Variants in INPP5D observed in about 807,000 individuals in gnomAD.
INPP5D encodes the protein phosphatidylinositol 3,4,5-trisphosphate 5-phosphatase 1.
A neutral mutation model predicts 122.9 loss-of-function variants in INPP5D; 33 were observed. The observed-to-expected ratio is 0.27, with a 90% CI of 0.20 to 0.36. The LOEUF (loss-of-function observed/expected upper bound fraction) is 0.36. INPP5D is among the 10% of genes least tolerant of loss of function. The pLI is 1.00. For synonymous variants in INPP5D, 584 were observed against 576.2 expected, an observed-to-expected ratio of 1.01 and a Z score of -0.19; for missense variants, 1,053 against 1,412.7, an observed-to-expected ratio of 0.75 and a Z score of 4.08.
At position 233,090,956 on chromosome 2, in the gene INPP5D, C is replaced by T. The variant is rs1691974501; in HGVS notation, c.198+11558C>T. On this transcript the variant is annotated intron_variant, in intron 2 of 26. Transcript: ENST00000445964. ...CTGGGTGACAAGAGCAAAATTCCGT[C>T]TCAAAGAAAAAAAAAAAAAAAAGAA... is the stretch of plus-strand genomic sequence containing the variant. 3.4e-5 allele frequency among the ~76,000 whole-genome samples: 5 copies of T among 147,040 alleles called. No homozygotes were observed. The South Asian group carries it at 1.1e-3, about 31-fold the overall frequency.
intron 3 of INPP5D, among the ~76,000 whole-genome samples, chr2:233,124,278 C>T (rs1693087583): frequency 6.6e-6 from 1 of 152,216 alleles, no homozygotes; most frequent in African/African-American, 2.4e-5. Flanking sequence ...ACGCTGAGAC[C>T]CTTGCCTGGC....
intron 9 of INPP5D, among the ~76,000 whole-genome samples, chr2:233,156,744 C>T (rs36130256): frequency 0.17 from 25,521 of 152,106 alleles, 3,874 homozygotes; most frequent in African/African-American, 0.4. Flanking sequence ...ACATAGACAC[C>T]CTCTACCTGG....
chr2:233,116,745 T>C (rs144771411), intron 2 of INPP5D, among the ~76,000 whole-genome samples: 7,555 of 151,992 alleles, frequency 0.05, 283 homozygotes, highest in African/African-American at 0.11. Context: ...TACAGGCGCC[T>C]GCCACTGCAC....
intron 9 of INPP5D, among the ~76,000 whole-genome samples, chr2:233,148,051 TG>T (rs1369571006): frequency 6.6e-6 from 1 of 152,236 alleles, no homozygotes; most frequent in Non-Finnish European, 1.5e-5. Flanking sequence ...GAGCCCAGCA[TG>T]TAGTGGCCAC....
At chr2:233,108,765 G>A (rs538676960) in intron 2 of INPP5D, among the ~76,000 whole-genome samples, 19 of 152,314 alleles carry the variant, frequency 1.2e-4, no homozygotes, top group Non-Finnish European at 2.4e-4. Context: ...ACGGGGCACC[G>A]TTCCTTCCTC....
At chr2:233,194,029 T>A in intron 23 of INPP5D, 68 bp downstream of exon 23, 21 of 1,481,852 alleles carry the variant, frequency 1.4e-5, no homozygotes, top group Non-Finnish European at 1.9e-5. Flanking sequence ...GTGCTTTCTC[T>A]CAGCAAAGCT....
At position 233,079,353 on chromosome 2, in the gene INPP5D, C is replaced by T. The variant is rs772202099; in HGVS notation, c.153C>T (p.Tyr51=). ...ALCVLYRNCV[Y]TYRILPNEDD... is the part of the protein sequence containing the mutation. ...ATTTCAGGTATCGGAATTGCGTTTA[C>T]ACTTACAGAATTCTGCCCAATGAAG... Residue 51 remains tyrosine (Y), a synonymous_variant, in exon 2 of 27, where the codon TAC becomes TAT. Coordinates refer to ENST00000445964, the MANE Select transcript of INPP5D (RefSeq NM_001017915.3). The T allele has an allele frequency of 5.6e-6, 9 of 1,605,312 alleles. No individual in the cohort carries two copies. Among genetic ancestry groups the T allele is most frequent in the Non-Finnish European group, 6.8e-6 (8 of 1,171,972 alleles).
In INPP5D at chr2:233,189,900, C is replaced by T. The variant is rs1281034765; in HGVS notation, c.2409C>T (p.Leu803=). ...AGTACCTGCTAGACCAGCACATCCT[C>T]ATCAGCATCAAGTCCTCTGACAGCG... ...DPEYLLDQHI[L]ISIKSSDSDE... is the part of the protein sequence containing the mutation. The change falls in exon 22 of 27, where the codon CTC becomes CTT. Residue 803 remains leucine, a synonymous_variant. Coordinates refer to ENST00000445964, the MANE Select transcript of INPP5D (RefSeq NM_001017915.3). The surrounding 1 kb of genome is among the most constrained non-coding windows in gnomAD (Gnocchi z 5.6). 1.7e-5 allele frequency: 27 copies of T among 1,613,480 alleles called. No homozygotes were observed. The highest frequency in any genetic ancestry group is 2.1e-5 in the Non-Finnish European group (25 of 1,179,660).
intron 2 of INPP5D, among the ~76,000 whole-genome samples, chr2:233,102,779 A>G (rs1389108872): frequency 1.3e-5 from 2 of 150,176 alleles, no homozygotes; most frequent in Middle Eastern, 3.2e-3. Flanking sequence ...GAACCCGGGA[A>G]GCGGAGCTTG....
chr2:233,098,560 T>G (rs1692214310), intron 2 of INPP5D, among the ~76,000 whole-genome samples: 1 of 152,194 alleles, frequency 6.6e-6, no homozygotes, highest in Non-Finnish European at 1.5e-5. Flanking sequence ...TGGATCCCGG[T>G]TCTCCCCTCA....
At chr2:233,155,776 A>G (rs1694036809) in intron 9 of INPP5D, among the ~76,000 whole-genome samples, 1 of 152,202 alleles carries the variant, frequency 6.6e-6, no homozygotes, top group South Asian at 2.1e-4. Flanking sequence ...GAACAGAATA[A>G]CACTTGCCTC....
chr2:233,125,098 G>C (rs1693117830), intron 3 of INPP5D, among the ~76,000 whole-genome samples: 1 of 152,258 alleles, frequency 6.6e-6, no homozygotes, highest in South Asian at 2.1e-4. Flanking sequence ...TGTACGTACA[G>C]AATGAACCTT....
chr2:233,069,953 T>G (rs74437190), intron 1 of INPP5D, among the ~76,000 whole-genome samples: 205 of 152,340 alleles, frequency 1.3e-3, no homozygotes, highest in Non-Finnish European at 2.3e-3. Flanking sequence ...CAGTAAGCTG[T>G]ACAAGAGAGT....
At chr2:233,147,891 C>T (rs1054415280) in intron 9 of INPP5D, among the ~76,000 whole-genome samples, 1 of 152,232 alleles carries the variant, frequency 6.6e-6, no homozygotes, top group Non-Finnish European at 1.5e-5. Flanking sequence ...GACTCTGGAA[C>T]CAAACTGCCT....
At chr2:233,137,128 ACTCT>A (rs962200312) in intron 5 of INPP5D, among the ~76,000 whole-genome samples, 1 of 152,000 alleles carries the variant, frequency 6.6e-6, no homozygotes, top group East Asian at 1.9e-4. Context: ...CTGAAATAAA[ACTCT>A]CTATCTCTGA....
chr2:233,060,947 G>A (rs1276936775), intron 1 of INPP5D, among the ~76,000 whole-genome samples: 1 of 152,194 alleles, frequency 6.6e-6, no homozygotes, highest in Non-Finnish European at 1.5e-5. Context: ...CTCTGTGGAG[G>A]TGGGTGTGTT....
At chr2:233,067,387 G>A (rs1292252585) in intron 1 of INPP5D, among the ~76,000 whole-genome samples, 1 of 152,136 alleles carries the variant, frequency 6.6e-6, no homozygotes, top group Non-Finnish European at 1.5e-5. Context: ...TCCTCTCCAG[G>A]GCTGACTAAT....
At chr2:233,096,931 G>A (rs1055589527) in intron 2 of INPP5D, among the ~76,000 whole-genome samples, 15 of 152,228 alleles carry the variant, frequency 9.9e-5, no homozygotes, top group African/African-American at 3.1e-4. Context: ...CGGATTCTGA[G>A]TTTTGTGAAT....
chr2:233,102,286 G>T (rs1692336250), intron 2 of INPP5D, among the ~76,000 whole-genome samples: 1 of 152,140 alleles, frequency 6.6e-6, no homozygotes, highest in South Asian at 2.1e-4. Flanking sequence ...AGCACCCAAG[G>T]CCTGTGTTAC....
Sources: gnomAD v4.1 joint callset for allele counts (sites outside exome capture counted in the v4.1 genomes callset) on GRCh38, gnomAD v4.1.1 for gene constraint, Gnocchi (gnomAD v3.1) non-coding constraint, MANE v1.5 for transcripts, NCBI Gene and HGNC (gene_info 2026-07-23, HGNC 2026-07-21) for gene names.